The following NELFB variants were observed in gnomAD, a reference collection of about 807,000 sequenced individuals.
The protein encoded by NELFB is negative elongation factor B.
NELFB carries 34 observed loss-of-function variants against 60.2 expected under a neutral mutation model. The observed-to-expected ratio is 0.56, with a 90% CI of 0.43 to 0.75. The LOEUF is 0.75. Among genes scored for constraint, NELFB ranks in the 30% least tolerant of loss-of-function variants. NELFB has a pLI of 0.00. For synonymous variants in NELFB, 459 were observed against 382.1 expected (o/e 1.20, Z -2.35); for missense variants, 770 against 831.6 (o/e 0.93, Z 0.91).
intron 10 of NELFB, 117 bp downstream of exon 10, chr9:137,267,463 C>T: frequency 1.4e-6 from 1 of 735,160 alleles, no homozygotes; most frequent in Admixed American, 3.1e-5. Flanking sequence ...CCCAGCCCAC[C>T]TCCAACTTTG....
chr9:137,257,953 A>G (rs1472527956), intron 4 of NELFB, among the ~76,000 whole-genome samples: 1 of 151,278 alleles, frequency 6.6e-6, no homozygotes, highest in Non-Finnish European at 1.5e-5. Flanking sequence ...GTGCCACCAC[A>G]CTGGGGCTAC....
chr9:137,259,767 C>T (rs1830404523), intron 4 of NELFB, among the ~76,000 whole-genome samples: 1 of 150,974 alleles, frequency 6.6e-6, no homozygotes, highest in Non-Finnish European at 1.5e-5. Flanking sequence ...CTCTGTCACC[C>T]AGGCTGGAGT....
chr9:137,260,272 G>T (rs1450875480), intron 4 of NELFB, among the ~76,000 whole-genome samples: 1 of 144,800 alleles, frequency 6.9e-6, no homozygotes, highest in Non-Finnish European at 1.5e-5. Context: ...GGATGGTCTC[G>T]ATCTCCTGAC....
In NELFB at chr9:137,263,213, G is replaced by A. The variant is rs754302293; in HGVS notation, c.918G>A (p.Pro306=). The A allele has an allele frequency of 1.4e-5, 23 of 1,610,370 alleles. No homozygotes were observed. Among genetic ancestry groups the A allele is most frequent in the Admixed American group, 1.0e-4 (6 of 59,972 alleles). ...TGGGTGAAATCTGCACCGTGGACCCGTGCCACAAGGTAGCACTGCCCTCCC... is the reference window on the plus strand; with the variant it reads ...TGGGTGAAATCTGCACCGTGGACCCATGCCACAAGGTAGCACTGCCCTCCC... Residue 306 remains proline (P), a synonymous_variant, in exon 5 of 13, where the codon CCG becomes CCA. Coordinates refer to ENST00000343053, the MANE Select transcript of NELFB (RefSeq NM_015456.5).
intron 9 of NELFB, 21 bp downstream of exon 9, chr9:137,267,107 G>A (rs1197476180): frequency 1.3e-5 from 21 of 1,613,644 alleles, no homozygotes; most frequent in Admixed American, 1.7e-5. Flanking sequence ...TAGGGCCATG[G>A]TGCAGGGGTG....
chr9:137,257,582 G>A lies in NELFB; in HGVS notation c.741+528G>A, dbSNP rs554334456. Among the ~76,000 whole-genome samples the A allele has an allele frequency of 7.9e-4, 115 of 144,822 alleles. 5 individuals carry two copies. In the South Asian group the frequency reaches 0.025, roughly 31 times the overall value. The stretch of plus-strand genomic sequence containing the variant: ...CAATGGCGTGATCTCGGCTCACTGC[G>A]ACCTCCGCCTCCCAGGTTCAAGCAA... On this transcript the variant is annotated intron_variant, in intron 4 of 12. Coordinates refer to ENST00000343053, the MANE Select transcript of NELFB (RefSeq NM_015456.5).
chr9:137,256,322 G>T lies in NELFB; in HGVS notation c.411-7G>T. On this transcript the variant is annotated splice_region_variant and splice_polypyrimidine_tract_variant and intron_variant, in intron 2 of 12. Coordinates refer to ENST00000343053, the MANE Select transcript of NELFB (RefSeq NM_015456.5). ...CGCTGCACCATCAATCCTGTGAGTT[G>T]TTCCAGGTACAAGAAGCTGGAAGAC... 1 of 1,612,642 alleles carries T rather than the reference G, an allele frequency of 6.2e-7. No homozygotes were observed.
rs925998277 is a variant in NELFB at position 137,267,253 on chromosome 9, C to T, written c.1396C>T (p.Gln466Ter). The change falls in exon 10 of 13, where the codon CAG becomes TAG. Residue 466 changes from glutamine (Q) to a stop codon, truncating the protein, a stop_gained. Transcript: ENST00000343053. LOFTEE classifies it high-confidence loss of function. ...CCCCGGGCGCAGGTTTCTGCAGGAG[C>T]AGCGCATGGCCTGCGAGGTGGGGCT... is the stretch of plus-strand genomic sequence containing the variant. 2.5e-6 allele frequency: 4 copies of T among 1,612,454 alleles called. No homozygotes were observed. The African/African-American group carries it at 5.3e-5, about 22-fold the overall frequency.
chr9:137,256,291 G>T (rs1440393720), intron 2 of NELFB, 38 bp from the exon 3 acceptor site: 1 of 1,576,526 alleles, frequency 6.3e-7, no homozygotes, highest in Non-Finnish European at 8.7e-7. Context: ...CTGCGATTTG[G>T]CGCATCGCTG....
rs33923321 is a variant in NELFB at position 137,267,179 on chromosome 9, TGTGGGGCTGAGGTGGGGCTGAG to T, written c.1383-39_1383-18del. 1.1e-5 allele frequency: 16 copies of T among 1,423,698 alleles called. No homozygotes were observed. In the African/African-American group the frequency reaches 1.4e-4, roughly 13 times the overall value. The allele number at this position is 1,423,698 out of a possible 1,614,324, so 88.2% of individuals were successfully genotyped here. On this transcript the variant is annotated intron_variant, in intron 9 of 12. Coordinates refer to ENST00000343053, the MANE Select transcript of NELFB (RefSeq NM_015456.5). ...TGCCTCAGGGCTGGGCAGGGGTCGG[TGTGGGGCTGAGGTGGGGCTGAG>T]GTGGGGCTGAGGTGGGGCTGATGGC...
intron 6 of NELFB, 41 bp downstream of exon 6, chr9:137,264,398 T>C (rs752180047): frequency 2.8e-6 from 4 of 1,428,934 alleles, no homozygotes; most frequent in African/African-American, 1.4e-5. Context: ...CTCAGGGCCC[T>C]GCGTGCATCC....
intron 10 of NELFB, among the ~76,000 whole-genome samples, chr9:137,270,150 A>C (rs1186163218): frequency 1.3e-5 from 2 of 152,158 alleles, no homozygotes; most frequent in African/African-American, 2.4e-5. Flanking sequence ...TGCAGGCTGC[A>C]GACGTAGGCA....
In NELFB at chr9:137,272,998, C is replaced by G; in HGVS notation, c.*70C>G. On this transcript the variant is annotated 3_prime_UTR_variant, in exon 13 of 13. Coordinates refer to ENST00000343053, the MANE Select transcript of NELFB (RefSeq NM_015456.5). ...GGCCCTGCTCAGCCGGAAGAGGCTC[C>G]CGGACCTGGATGTACAGGGCAGTCT... 7.0e-7 allele frequency: 1 copy of G among 1,431,082 alleles called. No homozygotes were observed. The highest frequency in any genetic ancestry group is 9.2e-7 in the Non-Finnish European group (1 of 1,081,550). The allele number at this position is 1,431,082 out of a possible 1,614,324, so 88.6% of individuals were successfully genotyped here. A position where few individuals can be genotyped will look rare whatever the true frequency, so the allele number is the denominator to read the frequency against.
chr9:137,266,627 G>A (rs1197949306), intron 8 of NELFB, among the ~76,000 whole-genome samples: 1 of 151,924 alleles, frequency 6.6e-6, no homozygotes, highest in Admixed American at 6.6e-5. Context: ...GGCTGGTTCT[G>A]GGGTATCTCC....
intron 12 of NELFB, 44 bp from the exon 13 acceptor site, chr9:137,272,738 C>A (rs888412495): frequency 2.6e-6 from 4 of 1,521,910 alleles, no homozygotes; most frequent in Admixed American, 2.0e-5. Context: ...GCCCCCTGGG[C>A]CTGCCCATGC....
rs1303046979 is a variant in NELFB at position 137,266,345 on chromosome 9, C to G, written c.1158C>G (p.Leu386=). 5 of 1,612,764 alleles carry G rather than the reference C, an allele frequency of 3.1e-6. No homozygotes were observed. Among genetic ancestry groups the G allele is most frequent in the Non-Finnish European group, 4.2e-6 (5 of 1,179,982 alleles). ...CCTCCCTACAGGACAGCCCCGACCTCCTGCTGCTGCTCCGGCTGCTGGCGC... is the reference window on the plus strand; with the variant it reads ...CCTCCCTACAGGACAGCCCCGACCTGCTGCTGCTGCTCCGGCTGCTGGCGC... Residue 386 remains leucine (L), a synonymous_variant, in exon 8 of 13, where the codon CTC becomes CTG. Transcript: ENST00000343053.
Position 137,256,982 on chromosome 9 carries a change from T to A in NELFB, c.669T>A (p.Ala223=), listed in dbSNP as rs777685019. The A allele has an allele frequency of 1.2e-6, 2 of 1,613,978 alleles. No individual in the cohort carries two copies. The highest frequency in any genetic ancestry group is 2.7e-5 in the African/African-American group (2 of 74,946). ...AGTACATCCTGGAGAAGGAGAGCGC[T>A]CTCTTCAGTACAGAGCTCTCTGTCC... The change falls in exon 4 of 13, where the codon GCT becomes GCA. Residue 223 remains alanine, a synonymous_variant. Transcript: ENST00000343053.
chr9:137,268,717 C>T lies in NELFB; in HGVS notation c.1489+1371C>T, dbSNP rs138753339. 4.6e-5 allele frequency among the ~76,000 whole-genome samples: 7 copies of T among 152,046 alleles called. No individual in the cohort carries two copies. In the East Asian group the frequency reaches 7.7e-4, roughly 17 times the overall value. On this transcript the variant is annotated intron_variant, in intron 10 of 12. Coordinates refer to ENST00000343053, the MANE Select transcript of NELFB (RefSeq NM_015456.5). ...GTGGAAGGCAGAGGGCAAGAGAGCACGGGCAGGGGAGACAGACAGACACAG... is the reference window on the plus strand; with the variant it reads ...GTGGAAGGCAGAGGGCAAGAGAGCATGGGCAGGGGAGACAGACAGACACAG...
At position 137,256,832 on chromosome 9, in the gene NELFB, G is replaced by GA. The variant is rs1564441412; in HGVS notation, c.525dup (p.Leu176ThrfsTer7). On this transcript the variant is annotated frameshift_variant, in exon 4 of 13. Coordinates refer to ENST00000343053, the MANE Select transcript of NELFB (RefSeq NM_015456.5). LOFTEE classifies it high-confidence loss of function. ...CCTGTGGTGTCATGTAGGTTCCGGA[G>GA]AAAAAACTGAAGCTGGTTATGGCTG... The GA allele has an allele frequency of 1.9e-6, 3 of 1,614,048 alleles. No homozygotes were observed. Among genetic ancestry groups the GA allele is most frequent in the Non-Finnish European group, 2.5e-6 (3 of 1,179,982 alleles).
Sources: allele counts gnomAD v4.1 joint callset (sites outside exome capture counted in the v4.1 genomes callset), GRCh38; gene constraint gnomAD v4.1.1; transcripts MANE v1.5; gene names NCBI Gene and HGNC (gene_info 2026-07-23, HGNC 2026-07-21).